MAP3K7CL: variants seen among roughly 807,000 people sequenced by gnomAD.
The protein encoded by MAP3K7CL is MAP3K7 C-terminal-like protein.
A neutral mutation model predicts 18.6 loss-of-function variants in MAP3K7CL; 16 were observed. The observed-to-expected ratio is 0.86, with a 90% CI of 0.58 to 1.31. MAP3K7CL has a LOEUF of 1.31. MAP3K7CL is among the 50% of genes most tolerant of loss of function. The probability of loss-of-function intolerance (pLI) is 0.00; values close to 1 mark genes in which losing one functional copy is unlikely to be tolerated. For missense variants in MAP3K7CL, 163 were observed against 174.4 expected, an observed-to-expected ratio of 0.93 and a Z score of 0.37; for synonymous variants, 65 against 66.8, an observed-to-expected ratio of 0.97 and a Z score of 0.13.
intron 3 of MAP3K7CL, among the ~76,000 whole-genome samples, chr21:29,156,035 C>T (rs1460599548): frequency 6.6e-6 from 1 of 152,200 alleles, no homozygotes; most frequent in African/African-American, 2.4e-5. Context: ...ACTCAACTAT[C>T]TTTGGATTCC....
At chr21:29,083,471 C>T (rs1330563205), upstream of MAP3K7CL, among the ~76,000 whole-genome samples, 2 of 152,154 alleles carry the variant, frequency 1.3e-5, no homozygotes, top group East Asian at 1.9e-4. Context: ...TATCTCTACT[C>T]GATGCCTGTT....
In MAP3K7CL at chr21:29,174,766, T is replaced by C. The variant is rs2087925563; in HGVS notation, c.303T>C (p.Ala101=). The part of the protein sequence containing the change: ...DQAEKEKVDA[A]ELVREFEALT... ...CAGAAAAGGAGAAGGTGGATGCTGC[T>C]GAGCTGGTTCGGGAATTCGAGGCTC... The change falls in exon 5 of 5, where the codon GCT becomes GCC. Residue 101 remains alanine, a synonymous_variant. Transcript: ENST00000399928. 6.8e-6 allele frequency: 11 copies of C among 1,614,196 alleles called. No individual in the cohort carries two copies. In the East Asian group the frequency reaches 2.5e-4, roughly 36 times the overall value.
At chr21:29,161,573 A>G (rs770387170) in intron 4 of MAP3K7CL, among the ~76,000 whole-genome samples, 15 of 152,178 alleles carry the variant, frequency 9.9e-5, no homozygotes, top group Non-Finnish European at 1.8e-4. Context: ...GAAATTTCAT[A>G]AAGGAATTAA....
intron 4 of MAP3K7CL, among the ~76,000 whole-genome samples, chr21:29,098,382 A>G (rs1196669563): frequency 1.3e-5 from 2 of 152,108 alleles, no homozygotes; most frequent in Non-Finnish European, 2.9e-5. Context: ...GGACAACTTC[A>G]ATAGTCTCCT....
chr21:29,085,676 G>C, upstream of MAP3K7CL: 4 of 454,626 alleles, frequency 8.8e-6, no homozygotes, highest in South Asian at 2.6e-4. Flanking sequence ...AGAAAACCTC[G>C]TTCTCCCCAA....
chr21:29,169,965 ATCTC>A (rs1003475807), intron 4 of MAP3K7CL, among the ~76,000 whole-genome samples: 3 of 152,156 alleles, frequency 2.0e-5, no homozygotes, highest in African/African-American at 7.2e-5. Context: ...CAGAAATAAG[ATCTC>A]TCTAACTGTG....
exon 4 of MAP3K7CL, chr21:29,092,566 C>T (rs754159000): frequency 1.9e-6 from 3 of 1,613,964 alleles, no homozygotes; most frequent in African/African-American, 2.7e-5. Context: ...CGTGGAAATC[C>T]CCAGCTCCCC....
chr21:29,102,742 G>A (rs368736862), intron 4 of MAP3K7CL: 3 of 151,996 alleles, frequency 2.0e-5, no homozygotes, highest in Non-Finnish European at 2.9e-5. Flanking sequence ...AAAATATGAC[G>A]GAATATGTAT....
Position 29,136,966 on chromosome 21 carries a change from A to G in MAP3K7CL, c.70+3552A>G, listed in dbSNP as rs550644461. The stretch of plus-strand genomic sequence containing the variant: ...CATGATTTCTAGACCTACCTCCAAC[A>G]CTATTTGTATGATCATTCCACCTTG... On this transcript the variant is annotated intron_variant, in intron 2 of 4. Transcript: ENST00000399928. 2.0e-5 allele frequency among the ~76,000 whole-genome samples: 3 copies of G among 152,372 alleles called. No homozygotes were observed. The South Asian group carries it at 6.2e-4, about 32-fold the overall frequency.
At chr21:29,119,349 C>A (rs1379337454) in intron 4 of MAP3K7CL, among the ~76,000 whole-genome samples, 2 of 152,204 alleles carry the variant, frequency 1.3e-5, no homozygotes, top group African/African-American at 4.8e-5. Context: ...ACTAATTCAA[C>A]CCTAAAGGTC....
chr21:29,103,398 C>T (rs990363726), intron 4 of MAP3K7CL, among the ~76,000 whole-genome samples: 5 of 151,294 alleles, frequency 3.3e-5, no homozygotes, highest in African/African-American at 4.9e-5. Flanking sequence ...TCCAGACCAG[C>T]CTGGGAAACA....
intron 4 of MAP3K7CL, among the ~76,000 whole-genome samples, chr21:29,119,392 T>C (rs372847863): frequency 3.3e-5 from 5 of 152,328 alleles, no homozygotes; most frequent in African/African-American, 1.2e-4. Context: ...AAATGTCTTT[T>C]CAATATGGCA....
chr21:29,098,630 T>C (rs1228148469), intron 4 of MAP3K7CL, among the ~76,000 whole-genome samples: 2 of 152,226 alleles, frequency 1.3e-5, no homozygotes, highest in Admixed American at 6.5e-5. Flanking sequence ...ATAATTCCTT[T>C]TTGCAAAGGC....
intron 1 of MAP3K7CL, among the ~76,000 whole-genome samples, chr21:29,079,804 T>G (rs2085806583): frequency 6.6e-6 from 1 of 152,222 alleles, no homozygotes; most frequent in Non-Finnish European, 1.5e-5. Context: ...AGTAGCTCCC[T>G]TAAAGTCTCT....
At chr21:29,081,552 CA>C (rs751626889), upstream of MAP3K7CL, among the ~76,000 whole-genome samples, 96 of 142,282 alleles carry the variant, frequency 6.7e-4, no homozygotes, top group Middle Eastern at 3.6e-3. Flanking sequence ...GACTCCGTCT[CA>C]AAAAAAAAAA....
At chr21:29,109,426 T>A in intron 4 of MAP3K7CL, 2 of 1,267,478 alleles carry the variant, frequency 1.6e-6, no homozygotes, top group Non-Finnish European at 2.0e-6. Context: ...GTGTTAAGTA[T>A]TTCACTAAGT....
Position 29,133,294 on chromosome 21 carries a change from T to A in MAP3K7CL, c.-39-12T>A. On this transcript the variant is annotated splice_polypyrimidine_tract_variant and intron_variant, in intron 1 of 4. Coordinates refer to ENST00000399928, the MANE Select transcript of MAP3K7CL (RefSeq NM_001286620.2). ...TGGATAAAGTGACAATGGCTCTCTCTTGCTGTCACAGCTGGAAGACCCAGG... is the reference window on the plus strand; with the variant it reads ...TGGATAAAGTGACAATGGCTCTCTCATGCTGTCACAGCTGGAAGACCCAGG... The A allele has an allele frequency of 6.5e-7, 1 of 1,546,598 alleles. No homozygotes were observed.
intron 4 of MAP3K7CL, among the ~76,000 whole-genome samples, chr21:29,161,254 G>A (rs2087541205): frequency 6.6e-6 from 1 of 152,160 alleles, no homozygotes; most frequent in Non-Finnish European, 1.5e-5. Context: ...AGGTTGCAGT[G>A]AGCTGAGATC....
At chr21:29,135,162 AGTTAT>A (rs2086859398) in intron 2 of MAP3K7CL, among the ~76,000 whole-genome samples, 1 of 152,120 alleles carries the variant, frequency 6.6e-6, no homozygotes, top group Non-Finnish European at 1.5e-5. Flanking sequence ...TAGGTAATGG[AGTTAT>A]GTTCTGAACT....
Sources: gnomAD v4.1 joint callset for allele counts (sites outside exome capture counted in the v4.1 genomes callset) on GRCh38, gnomAD v4.1.1 for gene constraint, MANE v1.5 for transcripts, NCBI Gene and HGNC (gene_info 2026-07-23, HGNC 2026-07-21) for gene names.